The following CNDP1 variants were observed in gnomAD, a reference collection of about 807,000 sequenced individuals.
CNDP1 encodes beta-Ala-His dipeptidase.
CNDP1 carries 44 observed loss-of-function variants against 58.1 expected under a neutral mutation model. That is an observed-to-expected ratio of 0.76 (90% CI 0.60 to 0.97). The LOEUF (loss-of-function observed/expected upper bound fraction) is 0.97. CNDP1 is among the 50% of genes least tolerant of loss of function. CNDP1 has a pLI of 0.00. For missense variants in CNDP1, 616 were observed against 655.1 expected (o/e 0.94, Z 0.65); for synonymous variants, 254 against 252.6 (o/e 1.01, Z -0.05).
intron 1 of CNDP1, among the ~76,000 whole-genome samples, chr18:74,555,429 G>A (rs939619890): frequency 1.3e-5 from 2 of 152,156 alleles, no homozygotes; most frequent in Admixed American, 6.5e-5. Context: ...GGGCTGCACT[G>A]GGGGAGATGT....
intron 5 of CNDP1, among the ~76,000 whole-genome samples, chr18:74,564,880 T>C (rs1437169473): frequency 6.6e-6 from 1 of 152,252 alleles, no homozygotes; most frequent in Non-Finnish European, 1.5e-5. Context: ...CATGTGTTTA[T>C]GTTATATGCA....
Position 74,545,305 on chromosome 18 carries a change from C to T in CNDP1, c.24+10614C>T, listed in dbSNP as rs1056528605. On this transcript the variant is annotated intron_variant, in intron 1 of 11. Transcript: ENST00000358821. The surrounding 1 kb of genome is among the most constrained non-coding windows in gnomAD (Gnocchi z 4.1). Reference sequence around the variant, plus strand: ...GCCAAAAGGTGGCCTGAGATGCCATCGCCAGAGGTGGCCAAGCCCTGGAGT... The same window carrying T: ...GCCAAAAGGTGGCCTGAGATGCCATTGCCAGAGGTGGCCAAGCCCTGGAGT... 2.6e-5 allele frequency among the ~76,000 whole-genome samples: 4 copies of T among 152,316 alleles called. No individual in the cohort carries two copies. The highest frequency in any genetic ancestry group is 1.9e-4 in the East Asian group (1 of 5,182).
rs960932259 is a variant in CNDP1 at position 74,581,820 on chromosome 18, G to C, written c.1309+1549G>C. Among the ~76,000 whole-genome samples, 4 of 152,340 alleles carry C rather than the reference G, an allele frequency of 2.6e-5. No individual in the cohort carries two copies. The East Asian group carries it at 7.7e-4, about 29-fold the overall frequency. On this transcript the variant is annotated intron_variant, in intron 10 of 11. Transcript: ENST00000358821. ...GCTCTTCCCAAAGCAGGGGGTTCTA[G>C]GTCTCTCCCAAAGCTAGGTGGAAAA... is the stretch of plus-strand genomic sequence containing the variant.
chr18:74,547,708 G>C (rs1980797894), intron 1 of CNDP1, among the ~76,000 whole-genome samples: 1 of 152,228 alleles, frequency 6.6e-6, no homozygotes, highest in Admixed American at 6.5e-5. Context: ...TGGAAGCTCA[G>C]GCAGCTGTGG....
rs1023798989 is a variant in CNDP1 at position 74,545,776 on chromosome 18, A to G, written c.25-10562A>G. 6.6e-6 allele frequency among the ~76,000 whole-genome samples: 1 copy of G among 152,184 alleles called. No individual in the cohort carries two copies. The highest frequency in any genetic ancestry group is 1.5e-5 in the Non-Finnish European group (1 of 68,036). Reference sequence around the variant, plus strand: ...ATCCTATCGACACTTTTACACAAAAATCACTCAAATGAGATTTAAAGGAAG... The same window carrying G: ...ATCCTATCGACACTTTTACACAAAAGTCACTCAAATGAGATTTAAAGGAAG... On this transcript the variant is annotated intron_variant, in intron 1 of 11. Transcript: ENST00000358821. This position sits in a 1 kb window ranked among gnomAD's most constrained non-coding sequence, Gnocchi z 4.1.
intron 7 of CNDP1, among the ~76,000 whole-genome samples, chr18:74,572,630 A>G (rs924324152): frequency 3.3e-5 from 5 of 151,898 alleles, no homozygotes; most frequent in Non-Finnish European, 7.4e-5. Flanking sequence ...TGTACAAAAA[A>G]TACAAAAGTT....
rs368922318 is a variant in CNDP1 at position 74,578,338 on chromosome 18, C to T, written c.1167+11C>T. 6.3e-7 allele frequency: 1 copy of T among 1,593,786 alleles called. No individual in the cohort carries two copies. The highest frequency in any genetic ancestry group is 8.6e-7 in the Non-Finnish European group (1 of 1,168,834). On this transcript the variant is annotated intron_variant, in intron 9 of 11. Coordinates refer to ENST00000358821, the MANE Select transcript of CNDP1 (RefSeq NM_032649.6). ...GCGGTGGAAAAACAGGTAACAAATG[C>T]TTATTGTGACAATAACATGTTTCAG...
At chr18:74,582,045 C>T (rs898857497) in intron 10 of CNDP1, among the ~76,000 whole-genome samples, 12 of 152,234 alleles carry the variant, frequency 7.9e-5, no homozygotes, top group African/African-American at 2.9e-4. Context: ...TGCTTCTTTC[C>T]ATCACCATTC....
chr18:74,579,045 T>G (rs1401726233), intron 9 of CNDP1, among the ~76,000 whole-genome samples: 1 of 152,078 alleles, frequency 6.6e-6, no homozygotes, highest in Non-Finnish European at 1.5e-5. Context: ...TATTGTCTTG[T>G]TAGCACTAAT....
At position 74,543,949 on chromosome 18, in the gene CNDP1, G is replaced by A. The variant is rs188362039; in HGVS notation, c.24+9258G>A. Among the ~76,000 whole-genome samples the A allele has an allele frequency of 2.0e-5, 3 of 152,106 alleles. No individual in the cohort carries two copies. The East Asian group carries it at 5.8e-4, about 30-fold the overall frequency. On this transcript the variant is annotated intron_variant, in intron 1 of 11. Transcript: ENST00000358821. ...AAAATTTAAAAATCAGTCCACGTAT[G>A]GTGGCTTGTACCTTTAGTCCCAGCT... is the stretch of plus-strand genomic sequence containing the variant.
chr18:74,549,841 T>C (rs1016738947), intron 1 of CNDP1, among the ~76,000 whole-genome samples: 2 of 152,206 alleles, frequency 1.3e-5, no homozygotes, highest in Non-Finnish European at 2.9e-5. Context: ...AAGGCTCCAG[T>C]TGTGGCTCAA....
chr18:74,547,681 C>T (rs890880892), intron 1 of CNDP1, among the ~76,000 whole-genome samples: 1 of 152,300 alleles, frequency 6.6e-6, no homozygotes, highest in South Asian at 2.1e-4. Context: ...GGAGGCGAAG[C>T]CAGTGCCAGT....
At chr18:74,567,035 A>T (rs527361360) in intron 5 of CNDP1, 198 bp from the exon 6 acceptor site, 6 of 583,488 alleles carry the variant, frequency 1.0e-5, no homozygotes, top group Non-Finnish European at 1.8e-5. Flanking sequence ...TGATAAACCC[A>T]TCAGATCTCA....
At chr18:74,554,964 C>T (rs1980998451) in intron 1 of CNDP1, among the ~76,000 whole-genome samples, 1 of 152,052 alleles carries the variant, frequency 6.6e-6, no homozygotes, top group African/African-American at 2.4e-5. Flanking sequence ...CGGGGCCACA[C>T]CCATGATGAG....
chr18:74,541,470 G>C (rs562161009), intron 1 of CNDP1, among the ~76,000 whole-genome samples: 97 of 152,322 alleles, frequency 6.4e-4, no homozygotes, highest in Non-Finnish European at 9.7e-4. Context: ...GGCTGGAGCT[G>C]AGAGCCAGCT....
At chr18:74,549,757 A>C (rs186638405) in intron 1 of CNDP1, among the ~76,000 whole-genome samples, 4 of 152,358 alleles carry the variant, frequency 2.6e-5, no homozygotes, top group Admixed American at 1.3e-4. Context: ...CTCTCACCAC[A>C]GGCCCAGAGG....
intron 1 of CNDP1, among the ~76,000 whole-genome samples, chr18:74,541,596 G>C (rs1025371429): frequency 6.6e-6 from 1 of 152,176 alleles, no homozygotes; most frequent in Non-Finnish European, 1.5e-5. Context: ...TTATGGGAGG[G>C]AGCCTGGGTG....
chr18:74,554,876 G>A (rs551960472), intron 1 of CNDP1, among the ~76,000 whole-genome samples: 1 of 152,328 alleles, frequency 6.6e-6, no homozygotes, highest in South Asian at 2.1e-4. Flanking sequence ...GAAAATGACA[G>A]AATGAAAAGT....
intron 10 of CNDP1, among the ~76,000 whole-genome samples, chr18:74,581,390 T>A (rs1448128841): frequency 6.6e-6 from 1 of 152,132 alleles, no homozygotes; most frequent in Non-Finnish European, 1.5e-5. Context: ...TGGTTCTCAC[T>A]AGTGCCATGG....
Sources: allele counts gnomAD v4.1 joint callset (sites outside exome capture counted in the v4.1 genomes callset), GRCh38; gene constraint gnomAD v4.1.1; non-coding constraint Gnocchi (gnomAD v3.1); transcripts MANE v1.5; gene names NCBI Gene and HGNC (gene_info 2026-07-23, HGNC 2026-07-21).